Variants in FAT4 observed in about 807,000 individuals in gnomAD.
The protein encoded by FAT4 is protocadherin Fat 4.
Under a neutral mutation model 303.9 loss-of-function variants are expected in FAT4, and 84 were observed. The observed-to-expected ratio is 0.28, with a 90% CI of 0.23 to 0.33. The LOEUF (loss-of-function observed/expected upper bound fraction) is 0.33, where lower values mean the gene tolerates loss of function less well. FAT4 is among the 10% of genes least tolerant of loss of function. The pLI is 1.00. For synonymous variants in FAT4, 2,307 were observed against 2,298.8 expected (o/e 1.00, Z -0.10); for missense variants, 6,005 against 6,146.8 (o/e 0.98, Z 0.77).
intron 5 of FAT4, among the ~76,000 whole-genome samples, chr4:125,411,286 G>A (rs1734827623): frequency 6.6e-6 from 1 of 151,850 alleles, no homozygotes; most frequent in Admixed American, 6.6e-5. Flanking sequence ...CACAAGAAGG[G>A]TAATACCTCT....
intron 2 of FAT4, among the ~76,000 whole-genome samples, chr4:125,371,896 C>G (rs1226805149): frequency 6.6e-6 from 1 of 152,034 alleles, no homozygotes; most frequent in Non-Finnish European, 1.5e-5. Flanking sequence ...AACAATTGTT[C>G]AACTGCTCTA....
rs748949879 is a variant in FAT4 at position 125,406,910 on chromosome 4, A to T, written c.5338A>T (p.Ile1780Phe). 9.3e-6 allele frequency: 15 copies of T among 1,613,762 alleles called. No homozygotes were observed. The highest frequency in any genetic ancestry group is 1.3e-5 in the Non-Finnish European group (15 of 1,179,820). The stretch of plus-strand genomic sequence containing the variant: ...AAATGCTCTCGTCACATACACTATC[A>T]TTAGTGGAGCTGATGATAGTTTTCG... ...GANALVTYTI[I>F]SGADDSFRID... The change falls in exon 4 of 18, where the codon ATT becomes TTT. Residue 1780 changes from isoleucine to phenylalanine, a missense_variant. Transcript: ENST00000394329.
At position 125,415,011 on chromosome 4, in the gene FAT4, G is replaced by C; in HGVS notation, c.6048G>C (p.Leu2016Phe). The C allele has an allele frequency of 1.9e-6, 3 of 1,613,982 alleles. No individual in the cohort carries two copies. Among genetic ancestry groups the C allele is most frequent in the Non-Finnish European group, 1.7e-6 (2 of 1,179,922 alleles). Residue 2016 changes from leucine (L) to phenylalanine (F), a missense_variant, in exon 6 of 18, where the codon TTG (leucine) becomes TTC (phenylalanine). Transcript: ENST00000394329. ...LDRESQSFYN[L>F]VVQVHDLPQI... ...GGGAAAGTCAGTCCTTCTACAACTT[G>C]GTTGTTCAAGTGCATGACCTGCCAC...
At chr4:125,478,904 C>T (rs980204488) in intron 14 of FAT4, among the ~76,000 whole-genome samples, 1 of 152,038 alleles carries the variant, frequency 6.6e-6, no homozygotes, top group African/African-American at 2.4e-5. Flanking sequence ...TCCCATCTCA[C>T]CCAGCTTCAA....
intron 14 of FAT4, among the ~76,000 whole-genome samples, chr4:125,477,679 G>C (rs1727080415): frequency 6.6e-6 from 1 of 151,776 alleles, no homozygotes; most frequent in Admixed American, 6.6e-5. Flanking sequence ...GTAGATGTTA[G>C]CCATCATGGA....
intron 2 of FAT4, among the ~76,000 whole-genome samples, chr4:125,387,944 C>T (rs548968107): frequency 2.0e-5 from 3 of 152,280 alleles, no homozygotes; most frequent in East Asian, 1.9e-4. Flanking sequence ...CAAAAATTCA[C>T]TTTTATCCTC....
chr4:125,399,552 A>T (rs1734306010), intron 3 of FAT4, among the ~76,000 whole-genome samples: 1 of 151,980 alleles, frequency 6.6e-6, no homozygotes, highest in Non-Finnish European at 1.5e-5. Flanking sequence ...GCCAAGCCGA[A>T]CACAGAACAG....
intron 2 of FAT4, among the ~76,000 whole-genome samples, chr4:125,347,710 T>G (rs923204904): frequency 1.3e-5 from 2 of 151,800 alleles, no homozygotes; most frequent in African/African-American, 4.8e-5. Context: ...GAAATTACAT[T>G]TATTTTTAAA....
intron 7 of FAT4, among the ~76,000 whole-genome samples, chr4:125,428,055 T>C (rs879455141): frequency 2.0e-5 from 3 of 152,052 alleles, no homozygotes; most frequent in Non-Finnish European, 2.9e-5. Flanking sequence ...TCTCAGCACT[T>C]TTGGAGGCTG....
intron 15 of FAT4, 32 bp from the exon 16 acceptor site, chr4:125,481,489 A>G (rs779730255): frequency 9.4e-6 from 15 of 1,595,232 alleles, no homozygotes; most frequent in Non-Finnish European, 1.2e-5. Flanking sequence ...AAATGAATGC[A>G]TTCATTTTCC....
chr4:125,483,280 C>T (rs1486093902), intron 16 of FAT4, among the ~76,000 whole-genome samples: 1 of 151,918 alleles, frequency 6.6e-6, no homozygotes. Context: ...TAGAAGTAAA[C>T]AAAGTAAAGA....
chr4:125,458,272 A>G (rs193239109), intron 10 of FAT4, among the ~76,000 whole-genome samples: 2 of 152,048 alleles, frequency 1.3e-5, no homozygotes, highest in Non-Finnish European at 2.9e-5. Context: ...GTCATTTGAC[A>G]GTATAAACAG....
At chr4:125,389,280 A>G (rs563021950) in intron 2 of FAT4, among the ~76,000 whole-genome samples, 1 of 152,268 alleles carries the variant, frequency 6.6e-6, no homozygotes, top group South Asian at 2.1e-4. Flanking sequence ...ATAATCTTAA[A>G]AACAGAATTA....
At chr4:125,481,206 A>G (rs1727215178) in intron 15 of FAT4, among the ~76,000 whole-genome samples, 1 of 152,206 alleles carries the variant, frequency 6.6e-6, no homozygotes. Context: ...TCAAGTACAT[A>G]TTACCAACAA....
At position 125,316,694 on chromosome 4, in the gene FAT4, A is replaced by T. The variant is rs202107203; in HGVS notation, c.283A>T (p.Thr95Ser). Residue 95 changes from threonine to serine, a missense_variant, in exon 2 of 18, where the codon ACC becomes TCC. Coordinates refer to ENST00000394329, the MANE Select transcript of FAT4 (RefSeq NM_001291303.3). The surrounding 1 kb of genome is among the most constrained non-coding windows in gnomAD (Gnocchi z 5.7). The part of the protein sequence containing the change: ...SSTGALYTTS[T>S]IDRESLPSDV... ...CACCGGAGCCCTGTACACCACCTCC[A>T]CCATCGACCGCGAGAGCCTGCCCAG... The T allele has an allele frequency of 6.7e-5, 108 of 1,613,456 alleles. 1 individual carries two copies. The Middle Eastern group carries it at 8.2e-4, about 12-fold the overall frequency.
chr4:125,386,702 T>A (rs934774818), intron 2 of FAT4, among the ~76,000 whole-genome samples: 24 of 152,224 alleles, frequency 1.6e-4, no homozygotes, highest in Non-Finnish European at 5.9e-5. Context: ...TATTCATTAC[T>A]GTTTATTAGT....
rs1055480483 is a variant in FAT4 at position 125,481,618 on chromosome 4, C to T, written c.12702C>T (p.Ser4234=). The T allele has an allele frequency of 8.7e-6, 14 of 1,614,050 alleles. No homozygotes were observed. The highest frequency in any genetic ancestry group is 1.7e-5 in the Admixed American group (1 of 59,990). ...AGCGGGAATATTTGTTAAGGCAAAG[C>T]TTACGAGGTGCCATGTTGGAGCCTT... ...NEKREYLLRQ[S]LRGAMLEPFG... Residue 4234 remains serine (S), a synonymous_variant, in exon 16 of 18, where the codon AGC becomes AGT. Transcript: ENST00000394329.
At chr4:125,477,540 TATAC>T (rs1727073489) in intron 14 of FAT4, 2 of 290,326 alleles carry the variant, frequency 6.9e-6, no homozygotes, top group African/African-American at 6.8e-5. Flanking sequence ...TCTAGATTCT[TATAC>T]ATATATATAT....
chr4:125,422,637 T>C (rs929684275), intron 7 of FAT4, among the ~76,000 whole-genome samples: 7 of 152,204 alleles, frequency 4.6e-5, no homozygotes, highest in African/African-American at 1.7e-4. Context: ...CAATTAAACC[T>C]CTTTCCTTTA....
Sources: gnomAD v4.1 joint callset for allele counts (sites outside exome capture counted in the v4.1 genomes callset) on GRCh38, gnomAD v4.1.1 for gene constraint, Gnocchi (gnomAD v3.1) non-coding constraint, MANE v1.5 for transcripts, NCBI Gene and HGNC (gene_info 2026-07-23, HGNC 2026-07-21) for gene names.